EML6: variants seen among roughly 807,000 people sequenced by gnomAD.
EML6 encodes the protein EMAP like 6.
A neutral mutation model predicts 240.1 loss-of-function variants in EML6; 154 were observed. That is an observed-to-expected ratio of 0.64 (90% CI 0.56 to 0.73). EML6 has a LOEUF of 0.73. EML6 is among the 30% of genes least tolerant of loss of function. The pLI is 0.00. For synonymous variants in EML6, 1,148 were observed against 899.0 expected, an observed-to-expected ratio of 1.28 and a Z score of -4.95; for missense variants, 2,964 against 2,474.6, an observed-to-expected ratio of 1.20 and a Z score of -4.20.
At chr2:54,867,108 A>G (rs1419930558) in intron 14 of EML6, 6 of 362,190 alleles carry the variant, frequency 1.7e-5, no homozygotes, top group Non-Finnish European at 3.1e-5. Context: ...GATTGTCTCT[A>G]GATTTCTCAG....
At chr2:54,927,165 C>G (rs1449188140) in intron 26 of EML6, among the ~76,000 whole-genome samples, 1 of 152,208 alleles carries the variant, frequency 6.6e-6, no homozygotes, top group Non-Finnish European at 1.5e-5. Flanking sequence ...GAAATCCTAC[C>G]TGCCTGTTTG....
chr2:54,911,719 G>A (rs1474115533), intron 25 of EML6, among the ~76,000 whole-genome samples: 1 of 152,168 alleles, frequency 6.6e-6, no homozygotes, highest in Non-Finnish European at 1.5e-5. Flanking sequence ...TTACAGACGT[G>A]AGCCACCGTG....
intron 9 of EML6, among the ~76,000 whole-genome samples, chr2:54,848,539 A>ACACACACACT (rs1374911297): frequency 6.6e-6 from 1 of 151,990 alleles, no homozygotes; most frequent in Admixed American, 6.6e-5. Flanking sequence ...ACACACACAC[A>ACACACACACT]CACACACACA....
At chr2:54,793,842 C>T (rs943055790) in intron 2 of EML6, among the ~76,000 whole-genome samples, 2 of 151,890 alleles carry the variant, frequency 1.3e-5, no homozygotes, top group African/African-American at 4.9e-5. Context: ...GGCTGGAACT[C>T]CCTGGAACTC....
intron 2 of EML6, among the ~76,000 whole-genome samples, chr2:54,780,611 C>A (rs760043827): frequency 2.0e-5 from 3 of 152,092 alleles, no homozygotes; most frequent in Non-Finnish European, 4.4e-5. Flanking sequence ...AGAAATACAC[C>A]GTTATTATGT....
intron 28 of EML6, among the ~76,000 whole-genome samples, chr2:54,946,630 T>C (rs1219279816): frequency 6.6e-6 from 1 of 152,208 alleles, no homozygotes; most frequent in East Asian, 1.9e-4. Context: ...TTAATACTTG[T>C]ATTGTGTTTT....
At chr2:54,904,518 G>T (rs1199019432) in intron 24 of EML6, among the ~76,000 whole-genome samples, 1 of 152,152 alleles carries the variant, frequency 6.6e-6, no homozygotes, top group Non-Finnish European at 1.5e-5. Flanking sequence ...GAGAGATAAG[G>T]AGAAATCCAC....
intron 28 of EML6, among the ~76,000 whole-genome samples, chr2:54,946,763 G>C (rs912896436): frequency 2.6e-5 from 4 of 152,070 alleles, no homozygotes; most frequent in Non-Finnish European, 5.9e-5. Context: ...AACCGCGAAG[G>C]GTCAATACTT....
intron 7 of EML6, among the ~76,000 whole-genome samples, chr2:54,833,194 T>A (rs1668965663): frequency 6.6e-6 from 1 of 152,230 alleles, no homozygotes. Context: ...TGTTTAGGAA[T>A]CTGAGGGTAT....
chr2:54,949,078 C>G (rs1031021256), intron 29 of EML6, 118 bp downstream of exon 29: 3 of 754,344 alleles, frequency 4.0e-6, no homozygotes, highest in Admixed American at 4.2e-5. Flanking sequence ...CCCTTGGGCT[C>G]TCTTTTGTCC....
chr2:54,827,173 T>C (rs542195736), intron 5 of EML6, among the ~76,000 whole-genome samples: 92 of 152,314 alleles, frequency 6.0e-4, no homozygotes, highest in African/African-American at 2.2e-3. Flanking sequence ...ATTTTCCTTT[T>C]TATACTTATC....
intron 6 of EML6, among the ~76,000 whole-genome samples, chr2:54,828,189 G>C (rs755768344): frequency 9.9e-5 from 15 of 151,728 alleles, no homozygotes; most frequent in Non-Finnish European, 2.1e-4. Flanking sequence ...TGTATTGGTT[G>C]GTAAGATAGA....
At chr2:54,803,452 C>G (rs749357314) in intron 2 of EML6, among the ~76,000 whole-genome samples, 1 of 152,122 alleles carries the variant, frequency 6.6e-6, no homozygotes, top group Non-Finnish European at 1.5e-5. Flanking sequence ...ATACCTTCGT[C>G]AAGCCACCCT....
intron 2 of EML6, among the ~76,000 whole-genome samples, chr2:54,790,070 A>G (rs1407862524): frequency 1.2e-4 from 19 of 152,244 alleles, no homozygotes; most frequent in Admixed American, 1.0e-3. Flanking sequence ...AATAGTCAGC[A>G]TTAAGTAAAT....
At chr2:54,748,057 A>G (rs1446835401) in intron 2 of EML6, among the ~76,000 whole-genome samples, 1 of 152,184 alleles carries the variant, frequency 6.6e-6, no homozygotes, top group African/African-American at 2.4e-5. Context: ...TGGGTTCCTT[A>G]TAGTGAAGAT....
chr2:54,899,082 C>T (rs560078826), intron 21 of EML6, among the ~76,000 whole-genome samples: 7 of 152,274 alleles, frequency 4.6e-5, no homozygotes, highest in South Asian at 2.1e-4. Flanking sequence ...ACACCGAGGA[C>T]GCTTGAAATG....
intron 16 of EML6, among the ~76,000 whole-genome samples, chr2:54,873,730 C>T (rs1302684373): frequency 7.0e-6 from 1 of 142,976 alleles, no homozygotes; most frequent in Admixed American, 7.2e-5. Context: ...GTGAAATGCC[C>T]GTTAAAGTAG....
intron 2 of EML6, among the ~76,000 whole-genome samples, chr2:54,771,485 C>A (rs1668399531): frequency 6.6e-6 from 1 of 152,250 alleles, no homozygotes; most frequent in African/African-American, 2.4e-5. Context: ...AGCTGTTTAT[C>A]ACCATATTTC....
intron 2 of EML6, among the ~76,000 whole-genome samples, chr2:54,771,717 G>A (rs548721195): frequency 1.4e-4 from 21 of 152,352 alleles, no homozygotes; most frequent in African/African-American, 3.8e-4. Context: ...ACAGTTGTCC[G>A]ATAATCTGTT....
Sources: allele counts gnomAD v4.1 joint callset (sites outside exome capture counted in the v4.1 genomes callset), GRCh38; gene constraint gnomAD v4.1.1; transcripts MANE v1.5; gene names NCBI Gene and HGNC (gene_info 2026-07-23, HGNC 2026-07-21).